The following MMP16 variants were observed in gnomAD, a reference collection of about 807,000 sequenced individuals.
MMP16 encodes the protein matrix metallopeptidase 16.
A neutral mutation model predicts 67.8 loss-of-function variants in MMP16; 12 were observed. That is an observed-to-expected ratio of 0.18 (90% CI 0.11 to 0.29). The LOEUF (loss-of-function observed/expected upper bound fraction) is 0.29, where lower values mean the gene tolerates loss of function less well. MMP16 is among the 10% of genes least tolerant of loss of function. MMP16 has a pLI of 1.00. For missense variants in MMP16, 475 were observed against 765.7 expected (o/e 0.62, Z 4.48); for synonymous variants, 249 against 255.9 (o/e 0.97, Z 0.26).
chr8:88,093,292 T>C (rs1230797656), intron 6 of MMP16, among the ~76,000 whole-genome samples: 1 of 151,876 alleles, frequency 6.6e-6, no homozygotes, highest in Non-Finnish European at 1.5e-5. Context: ...TAATGTGGCT[T>C]ATAATGCAGA....
chr8:88,305,077 C>G (rs1811192689), intron 1 of MMP16, among the ~76,000 whole-genome samples: 1 of 151,956 alleles, frequency 6.6e-6, no homozygotes, highest in Non-Finnish European at 1.5e-5. Context: ...GACACATAGG[C>G]TTGAAATAAA....
chr8:88,265,071 C>T (rs1563577922), intron 1 of MMP16, among the ~76,000 whole-genome samples: 1 of 152,102 alleles, frequency 6.6e-6, no homozygotes, highest in Non-Finnish European at 1.5e-5. Flanking sequence ...CTATTTGATG[C>T]TACCTAAAAA....
chr8:88,143,377 C>A (rs112334803), intron 4 of MMP16, among the ~76,000 whole-genome samples: 1 of 151,982 alleles, frequency 6.6e-6, no homozygotes, highest in African/African-American at 2.4e-5. Flanking sequence ...TATTTTCTTC[C>A]GTATCTTCAG....
At chr8:88,109,641 G>C (rs1231124512) in intron 6 of MMP16, among the ~76,000 whole-genome samples, 1 of 151,136 alleles carries the variant, frequency 6.6e-6, no homozygotes, top group Non-Finnish European at 1.5e-5. Context: ...CTTTTTCAAA[G>C]TTCCTAAAAT....
chr8:88,315,864 A>G (rs1001010468), intron 1 of MMP16, among the ~76,000 whole-genome samples: 2 of 152,226 alleles, frequency 1.3e-5, no homozygotes, highest in Non-Finnish European at 2.9e-5. Flanking sequence ...TTCACTGAAC[A>G]GTTAGCCAAG....
rs547642244 is a variant in MMP16 at position 88,032,936 on chromosome 8, G to A, written c.*8525C>T. 3 of 152,034 alleles carry A rather than the reference G, an allele frequency of 2.0e-5. No homozygotes were observed. The South Asian group carries it at 6.2e-4, about 32-fold the overall frequency. The allele number at this position is 152,034 out of a possible 1,614,324, so 9.4% of individuals were successfully genotyped here. Reference sequence around the variant, plus strand: ...AGATTTTAATACTCTCTCCATAATTGAAAACATCATGGGGAATTAAAAGAA... The same window carrying A: ...AGATTTTAATACTCTCTCCATAATTAAAAACATCATGGGGAATTAAAAGAA... On this transcript the variant is annotated 3_prime_UTR_variant, in exon 10 of 10. Transcript: ENST00000286614.
chr8:88,177,960 A>G (rs1808919864), intron 3 of MMP16, among the ~76,000 whole-genome samples: 1 of 152,018 alleles, frequency 6.6e-6, no homozygotes, highest in Non-Finnish European at 1.5e-5. Flanking sequence ...AAGACATGGT[A>G]TGTATTTAAA....
At chr8:88,210,530 C>T (rs375725937) in intron 1 of MMP16, among the ~76,000 whole-genome samples, 4 of 152,122 alleles carry the variant, frequency 2.6e-5, no homozygotes, top group African/African-American at 4.8e-5. Flanking sequence ...TATTTACCAC[C>T]GTACTCTCCC....
chr8:88,309,481 G>A (rs368973694), intron 1 of MMP16, among the ~76,000 whole-genome samples: 7 of 151,864 alleles, frequency 4.6e-5, no homozygotes, highest in African/African-American at 1.7e-4. Flanking sequence ...GAAAATTTCT[G>A]GAAATTAAGT....
intron 2 of MMP16, among the ~76,000 whole-genome samples, chr8:88,194,854 T>C (rs6988189): frequency 0.64 from 97,649 of 151,714 alleles, 33,585 homozygotes; most frequent in Non-Finnish European, 0.79. Context: ...CAAATAAAAA[T>C]AAAAACAATA....
chr8:88,045,055 T>C (rs1808180788), intron 9 of MMP16, among the ~76,000 whole-genome samples: 1 of 152,194 alleles, frequency 6.6e-6, no homozygotes, highest in African/African-American at 2.4e-5. Flanking sequence ...TTCTGTCACA[T>C]ACAAGTAATA....
chr8:88,148,143 C>A (rs552402094), intron 4 of MMP16, among the ~76,000 whole-genome samples: 4 of 152,110 alleles, frequency 2.6e-5, no homozygotes, highest in Non-Finnish European at 5.9e-5. Flanking sequence ...CTTACTATTG[C>A]ATTTCTAAGG....
chr8:88,101,317 C>T (rs1293491883), intron 6 of MMP16, among the ~76,000 whole-genome samples: 4 of 151,776 alleles, frequency 2.6e-5, no homozygotes, highest in Admixed American at 2.6e-4. Context: ...TATGACTATA[C>T]ATCAGAAACT....
At chr8:88,160,355 T>G (rs2129678809) in intron 4 of MMP16, among the ~76,000 whole-genome samples, 1 of 152,186 alleles carries the variant, frequency 6.6e-6, no homozygotes, top group South Asian at 2.1e-4. Flanking sequence ...CCACATTTTC[T>G]TAATCCAGTC....
intron 1 of MMP16, among the ~76,000 whole-genome samples, chr8:88,309,813 T>C (rs1256997789): frequency 6.6e-6 from 1 of 152,100 alleles, no homozygotes; most frequent in Non-Finnish European, 1.5e-5. Context: ...TATTTAACAT[T>C]TATTGAGTCA....
At chr8:88,321,513 G>A (rs1429816064) in intron 1 of MMP16, among the ~76,000 whole-genome samples, 1 of 152,136 alleles carries the variant, frequency 6.6e-6, no homozygotes, top group African/African-American at 2.4e-5. Flanking sequence ...TGCTGCCAAT[G>A]TATTTACTAC....
At chr8:88,312,685 T>C (rs1811313566) in intron 1 of MMP16, among the ~76,000 whole-genome samples, 1 of 152,158 alleles carries the variant, frequency 6.6e-6, no homozygotes, top group African/African-American at 2.4e-5. Context: ...AGTGTCCATT[T>C]GAGCCAGGCA....
chr8:88,081,295 C>A (rs1263770914), intron 6 of MMP16, among the ~76,000 whole-genome samples: 2 of 152,180 alleles, frequency 1.3e-5, no homozygotes, highest in Non-Finnish European at 2.9e-5. Context: ...ATAGCTGTTA[C>A]TTTCACCACT....
intron 7 of MMP16, among the ~76,000 whole-genome samples, chr8:88,069,010 G>A (rs10098052): frequency 0.14 from 21,675 of 152,104 alleles, 1,775 homozygotes; most frequent in African/African-American, 0.2. Flanking sequence ...CCAAAATCAA[G>A]TAGCATTTCC....
Sources: gnomAD v4.1 joint callset for allele counts (sites outside exome capture counted in the v4.1 genomes callset) on GRCh38, gnomAD v4.1.1 for gene constraint, MANE v1.5 for transcripts, NCBI Gene and HGNC (gene_info 2026-07-23, HGNC 2026-07-21) for gene names.